HOMER2: variants seen among roughly 807,000 people sequenced by gnomAD.
HOMER2 encodes the protein homer protein homolog 2.
Under a neutral mutation model 47.0 loss-of-function variants are expected in HOMER2, and 27 were observed. That is an observed-to-expected ratio of 0.57 (90% CI 0.42 to 0.79). The LOEUF (loss-of-function observed/expected upper bound fraction) is 0.79. HOMER2 is among the 30% of genes least tolerant of loss of function. The pLI is 0.00. For missense variants in HOMER2, 443 were observed against 435.0 expected, an observed-to-expected ratio of 1.02 and a Z score of -0.16; for synonymous variants, 161 against 163.8, an observed-to-expected ratio of 0.98 and a Z score of 0.13.
chr15:82,939,907 G>C (rs2054224679), intron 1 of HOMER2, among the ~76,000 whole-genome samples: 1 of 152,122 alleles, frequency 6.6e-6, no homozygotes, highest in African/African-American at 2.4e-5. Flanking sequence ...ATGAGTTCAT[G>C]TCCTTTGTAG....
Position 82,849,790 on chromosome 15 carries a change from C to T in HOMER2, c.957G>A (p.Leu319=). 1 of 1,614,010 alleles carries T rather than the reference C, an allele frequency of 6.2e-7. No homozygotes were observed. The highest frequency in any genetic ancestry group is 8.5e-7 in the Non-Finnish European group (1 of 1,179,888). Residue 319 remains leucine, a synonymous_variant, in exon 9 of 9, where the codon CTG becomes CTA. Coordinates refer to ENST00000450735, the MANE Select transcript of HOMER2 (RefSeq NM_004839.4). ...CGTCAATCTTCCCGTCCAGCACCTCCAGGAAGCTCTTCAACTCCACCTTCA... is the reference window on the plus strand; with the variant it reads ...CGTCAATCTTCCCGTCCAGCACCTCTAGGAAGCTCTTCAACTCCACCTTCA... ...RHLKVELKSF[L]EVLDGKIDDL...
At chr15:82,928,887 G>A (rs2151189697) in intron 1 of HOMER2, among the ~76,000 whole-genome samples, 1 of 114,226 alleles carries the variant, frequency 8.8e-6, no homozygotes, top group South Asian at 2.4e-4. Flanking sequence ...TTACAGCCAG[G>A]AGAGCCCCAT....
chr15:82,851,642 CGT>C (rs1038176196), intron 7 of HOMER2, among the ~76,000 whole-genome samples: 8 of 152,184 alleles, frequency 5.3e-5, no homozygotes, highest in Admixed American at 3.3e-4. Flanking sequence ...GTGGTGGGCA[CGT>C]GTGTGTGGTG....
rs562815302 is a variant in HOMER2 at position 82,899,385 on chromosome 15, G to C, written c.6-6544C>G. The stretch of plus-strand genomic sequence containing the variant: ...GGAAGCATGGGCTCATCTGGCCCCT[G>C]ACCCACACTCTAGGTGGTCAACAGG... On this transcript the variant is annotated intron_variant, in intron 1 of 8. Coordinates refer to ENST00000450735, the MANE Select transcript of HOMER2 (RefSeq NM_004839.4). Among the ~76,000 whole-genome samples, 5 of 152,312 alleles carry C rather than the reference G, an allele frequency of 3.3e-5. No homozygotes were observed. The East Asian group carries it at 9.6e-4, about 29-fold the overall frequency.
At chr15:82,897,982 A>T (rs1420160327) in intron 1 of HOMER2, among the ~76,000 whole-genome samples, 3 of 152,250 alleles carry the variant, frequency 2.0e-5, no homozygotes, top group African/African-American at 7.2e-5. Context: ...TTACGTAGCA[A>T]TAGAAGAGAC....
intron 1 of HOMER2, among the ~76,000 whole-genome samples, chr15:82,935,169 G>A (rs544891100): frequency 6.6e-6 from 1 of 152,266 alleles, no homozygotes; most frequent in Admixed American, 6.5e-5. Flanking sequence ...GCCCTCTCAT[G>A]TATGGTCCTA....
At chr15:82,898,060 C>G (rs914200402) in intron 1 of HOMER2, among the ~76,000 whole-genome samples, 2 of 152,234 alleles carry the variant, frequency 1.3e-5, no homozygotes, top group Admixed American at 6.5e-5. Flanking sequence ...ATCCTCCCAA[C>G]AGGGCTGTGA....
In HOMER2 at chr15:82,859,305, T is replaced by TG. The variant is rs1491548288; in HGVS notation, c.388-171_388-170insC. 4.3e-6 allele frequency: 3 copies of TG among 698,516 alleles called. No individual in the cohort carries two copies. In the East Asian group the frequency reaches 9.0e-5, roughly 21 times the overall value. The allele number at this position is 698,516 out of a possible 1,614,324, so 43.3% of individuals were successfully genotyped here. ...TGCAGCAAAGACTAACAAGTTTTTG[T>TG]TTTTTTTTTAAACAAACAAACAAAC... is the stretch of plus-strand genomic sequence containing the variant. On this transcript the variant is annotated intron_variant, in intron 4 of 8. Transcript: ENST00000450735.
chr15:82,967,266 A>G (rs2054682750), intron 1 of HOMER2, among the ~76,000 whole-genome samples: 2 of 152,094 alleles, frequency 1.3e-5, no homozygotes, highest in Admixed American at 1.3e-4. Flanking sequence ...ATAACTAAAT[A>G]ATAAAAATAA....
chr15:82,880,672 TTG>T (rs1404215811), intron 2 of HOMER2, among the ~76,000 whole-genome samples: 1 of 152,010 alleles, frequency 6.6e-6, no homozygotes, highest in Admixed American at 6.6e-5. Flanking sequence ...CACTGGAAGA[TTG>T]TGTTAGGGAC....
chr15:82,898,212 AAG>A (rs968524027), intron 1 of HOMER2, among the ~76,000 whole-genome samples: 1 of 152,200 alleles, frequency 6.6e-6, no homozygotes, highest in Non-Finnish European at 1.5e-5. Context: ...CTGACTTTGA[AAG>A]AGTCTTCTGC....
intron 1 of HOMER2, chr15:82,952,203 C>T (rs1341995945): frequency 3.3e-6 from 1 of 303,406 alleles, no homozygotes; most frequent in African/African-American, 2.3e-5. Flanking sequence ...TGACTGCGCC[C>T]AGGGGCGAAG....
chr15:82,878,521 G>C (rs2052423452), intron 2 of HOMER2, among the ~76,000 whole-genome samples: 1 of 152,194 alleles, frequency 6.6e-6, no homozygotes, highest in African/African-American at 2.4e-5. Flanking sequence ...TCTTAAATCT[G>C]TAGACTCATC....
chr15:82,856,008 A>G (rs933811936), intron 5 of HOMER2, among the ~76,000 whole-genome samples: 3 of 152,146 alleles, frequency 2.0e-5, no homozygotes, highest in Non-Finnish European at 2.9e-5. Flanking sequence ...GGCTCTTCCT[A>G]ATTTTTTTAA....
chr15:82,944,659 G>A (rs376673739), intron 1 of HOMER2, among the ~76,000 whole-genome samples: 3 of 152,148 alleles, frequency 2.0e-5, no homozygotes, highest in South Asian at 2.1e-4. Flanking sequence ...GCCCCACCCC[G>A]TGTATCAAAG....
intron 1 of HOMER2, among the ~76,000 whole-genome samples, chr15:82,983,261 T>TG (rs1567082210): frequency 1.3e-5 from 2 of 152,330 alleles, no homozygotes; most frequent in Non-Finnish European, 2.9e-5. Context: ...TGAATGCACA[T>TG]GGTACCATTG....
In HOMER2 at chr15:82,854,709, T is replaced by G; in HGVS notation, c.586A>C (p.Ser196Arg). ...AACTGCCTCTTCCACTGCTCCACACTGGCTGCCGACTCCTGCAGTGCTGTG... is the reference window on the plus strand; with the variant it reads ...AACTGCCTCTTCCACTGCTCCACACGGGCTGCCGACTCCTGCAGTGCTGTG... ...LTTALQESAASVEQWKRQFSI... is the reference protein window; with the variant it reads ...LTTALQESAARVEQWKRQFSI... The change falls in exon 6 of 9, where the codon AGT becomes CGT. Residue 196 changes from serine (S) to arginine (R), a missense_variant. By Grantham distance (110) the Ser-to-Arg change is moderately radical (BLOSUM62 -1). Transcript: ENST00000450735. 1 of 1,613,042 alleles carries G rather than the reference T, an allele frequency of 6.2e-7. No individual in the cohort carries two copies. The highest frequency in any genetic ancestry group is 8.5e-7 in the Non-Finnish European group (1 of 1,179,868).
intron 1 of HOMER2, among the ~76,000 whole-genome samples, chr15:82,893,097 G>T (rs2052772394): frequency 6.6e-6 from 1 of 152,044 alleles, no homozygotes; most frequent in Admixed American, 6.6e-5. Context: ...TTGCTTAAAA[G>T]GCAACTCCTT....
At chr15:82,921,047 C>A (rs1251274977) in intron 1 of HOMER2, among the ~76,000 whole-genome samples, 1 of 152,110 alleles carries the variant, frequency 6.6e-6, no homozygotes, top group Non-Finnish European at 1.5e-5. Flanking sequence ...GTAATCCCAG[C>A]ACTTTGGGAG....
Sources: gnomAD v4.1 joint callset for allele counts (sites outside exome capture counted in the v4.1 genomes callset) on GRCh38, gnomAD v4.1.1 for gene constraint, MANE v1.5 for transcripts, NCBI Gene and HGNC (gene_info 2026-07-23, HGNC 2026-07-21) for gene names.